SEC22A: variants seen among roughly 807,000 people sequenced by gnomAD.
The protein encoded by SEC22A is vesicle-trafficking protein SEC22a.
SEC22A carries 22 observed loss-of-function variants against 35.3 expected under a neutral mutation model. The observed-to-expected ratio is 0.62, with a 90% CI of 0.45 to 0.89. The LOEUF (loss-of-function observed/expected upper bound fraction) is 0.89, where lower values mean the gene tolerates loss of function less well. Ranked by LOEUF, SEC22A falls within the 40% of genes least tolerant of loss-of-function variation. SEC22A has a pLI of 0.00. For missense variants in SEC22A, 354 were observed against 362.5 expected (o/e 0.98, Z 0.19); for synonymous variants, 119 against 129.5 (o/e 0.92, Z 0.55).
chr3:123,221,470 CAAA>C (rs56800842), intron 2 of SEC22A, among the ~76,000 whole-genome samples: 276 of 60,560 alleles, frequency 4.6e-3, no homozygotes, highest in Middle Eastern at 0.014. Context: ...GAGTCCATCT[CAAA>C]AAAAAAAAAA....
intron 4 of SEC22A, among the ~76,000 whole-genome samples, chr3:123,238,489 C>A (rs1937462218): frequency 6.6e-6 from 1 of 152,182 alleles, no homozygotes; most frequent in South Asian, 2.1e-4. Context: ...CGCCACCACG[C>A]CCAGCCTAGA....
chr3:123,269,625 A>ATTTTTTTTTTTTTTTTTTTTTTTTT (rs35895285), intron 6 of SEC22A, among the ~76,000 whole-genome samples: 3 of 89,492 alleles, frequency 3.4e-5, no homozygotes, highest in Non-Finnish European at 4.4e-5. Flanking sequence ...AAGGACATGA[A>ATTTTTTTTTTTTTTTTTTTTTTTTT]TTTTTTTTTT....
chr3:123,250,814 A>T (rs1937606126), intron 5 of SEC22A, among the ~76,000 whole-genome samples: 1 of 152,210 alleles, frequency 6.6e-6, no homozygotes. Context: ...GGATAGCTTG[A>T]TGGAATAACA....
chr3:123,214,765 A>T (rs920756624), intron 2 of SEC22A, among the ~76,000 whole-genome samples: 2 of 152,238 alleles, frequency 1.3e-5, no homozygotes, highest in South Asian at 4.1e-4. Context: ...CTTTATTTAA[A>T]CAGTAAGATG....
chr3:123,253,746 GTCCCTGCTAATACTTAACAGA>G (rs1937654934), intron 5 of SEC22A, among the ~76,000 whole-genome samples: 1 of 149,712 alleles, frequency 6.7e-6, no homozygotes, highest in Non-Finnish European at 1.5e-5. Flanking sequence ...AAGAAATTAT[GTCCCTGCTAATACTTAACAGA>G]ACTTTTTCAT....
chr3:123,202,422 T>C (rs947060802), intron 1 of SEC22A, among the ~76,000 whole-genome samples: 2 of 152,194 alleles, frequency 1.3e-5, no homozygotes, highest in Non-Finnish European at 1.5e-5. Context: ...GCATTTCCTA[T>C]TTCTTTTAGG....
chr3:123,242,367 A>G (rs1281928203), intron 4 of SEC22A, among the ~76,000 whole-genome samples: 1 of 152,072 alleles, frequency 6.6e-6, no homozygotes, highest in African/African-American at 2.4e-5. Context: ...CAGTACTCTC[A>G]TCTTTCCGAT....
At chr3:123,231,697 G>A (rs905361415) in intron 4 of SEC22A, among the ~76,000 whole-genome samples, 1 of 152,030 alleles carries the variant, frequency 6.6e-6, no homozygotes, top group Non-Finnish European at 1.5e-5. Flanking sequence ...AAAATTTATC[G>A]CTGTAAATGC....
intron 5 of SEC22A, among the ~76,000 whole-genome samples, chr3:123,252,349 A>G (rs1478536638): frequency 6.6e-6 from 1 of 152,070 alleles, no homozygotes; most frequent in Non-Finnish European, 1.5e-5. Context: ...CTTGAGTGCA[A>G]ATCCCAGGAC....
intron 6 of SEC22A, among the ~76,000 whole-genome samples, chr3:123,266,104 C>G (rs1374688488): frequency 1.3e-5 from 2 of 152,138 alleles, no homozygotes; most frequent in Non-Finnish European, 2.9e-5. Flanking sequence ...GTAGTATTCT[C>G]TTACTGGCCT....
chr3:123,263,758 C>T (rs1348693646), intron 6 of SEC22A, among the ~76,000 whole-genome samples: 1 of 152,140 alleles, frequency 6.6e-6, no homozygotes, highest in African/African-American at 2.4e-5. Context: ...CCCACCTCAG[C>T]CTCCCAAAGT....
intron 4 of SEC22A, among the ~76,000 whole-genome samples, 177 bp downstream of exon 4, chr3:123,225,474 G>A (rs1054345065): frequency 1.5e-4 from 23 of 151,994 alleles, no homozygotes; most frequent in African/African-American, 4.4e-4. Flanking sequence ...GTGACTAATC[G>A]GGAAAATACT....
chr3:123,250,897 A>G (rs1937606700), intron 5 of SEC22A, among the ~76,000 whole-genome samples: 1 of 152,248 alleles, frequency 6.6e-6, no homozygotes, highest in Non-Finnish European at 1.5e-5. Context: ...GGACAGATGG[A>G]AAATTGAGTG....
chr3:123,239,475 T>G (rs1559758539), intron 4 of SEC22A, among the ~76,000 whole-genome samples: 1 of 145,038 alleles, frequency 6.9e-6, no homozygotes, highest in African/African-American at 2.6e-5. Flanking sequence ...GTCCCCAGAG[T>G]GTGATGTTCC....
chr3:123,207,871 AGATT>A (rs1467048383), intron 1 of SEC22A, among the ~76,000 whole-genome samples: 2 of 152,228 alleles, frequency 1.3e-5, no homozygotes, highest in Admixed American at 1.3e-4. Context: ...TCTGGTAAAA[AGATT>A]GAGAACAACA....
At chr3:123,241,002 TACACACACACACACACACACACAC>T (rs35775511) in intron 4 of SEC22A, among the ~76,000 whole-genome samples, 1 of 142,578 alleles carries the variant, frequency 7.0e-6, no homozygotes, top group Non-Finnish European at 1.5e-5. Flanking sequence ...CTCTCTTTCT[TACACACACACACACACACACACAC>T]ACACACACAC....
chr3:123,260,899 G>C (rs565677786), intron 6 of SEC22A, among the ~76,000 whole-genome samples: 1 of 148,234 alleles, frequency 6.7e-6, no homozygotes, highest in Non-Finnish European at 1.5e-5. Flanking sequence ...GCAGTTGTGC[G>C]ATCTCGGCTC....
In SEC22A at chr3:123,209,287, T is replaced by A. The variant is rs1369397112; in HGVS notation, c.70T>A (p.Tyr24Asn). 1.2e-6 allele frequency: 2 copies of A among 1,613,994 alleles called. No homozygotes were observed. The highest frequency in any genetic ancestry group is 2.7e-5 in the African/African-American group (2 of 74,914). The change falls in exon 2 of 7, where the codon TAT (tyrosine) becomes AAT (asparagine). Residue 24 changes from tyrosine to asparagine, a missense_variant. Tyr to Asn is a moderately radical substitution (Grantham distance 143). Transcript: ENST00000492595. Reference sequence around the variant, plus strand: ...ACTGCCACTTTCTGCTTCTACTGATTATGAACAAAGCACAGGAATGCAGGA... The same window carrying A: ...ACTGCCACTTTCTGCTTCTACTGATAATGAACAAAGCACAGGAATGCAGGA... The part of the protein sequence containing the change: ...DGLPLSASTD[Y>N]EQSTGMQECR...
chr3:123,207,331 T>G (rs935378382), intron 1 of SEC22A, among the ~76,000 whole-genome samples: 8 of 152,162 alleles, frequency 5.3e-5, no homozygotes, highest in Admixed American at 5.2e-4. Flanking sequence ...GTATTTTTTT[T>G]TATATATATT....
Sources: allele counts gnomAD v4.1 joint callset (sites outside exome capture counted in the v4.1 genomes callset), GRCh38; gene constraint gnomAD v4.1.1; transcripts MANE v1.5; gene names NCBI Gene and HGNC (gene_info 2026-07-23, HGNC 2026-07-21).